The following SPTLC1 variants were observed in gnomAD, a reference collection of about 807,000 sequenced individuals.
SPTLC1 encodes the protein serine palmitoyltransferase long chain base subunit 1.
A neutral mutation model predicts 68.9 loss-of-function variants in SPTLC1; 55 were observed. The observed-to-expected ratio is 0.80, with a 90% CI of 0.64 to 1.00. The LOEUF (loss-of-function observed/expected upper bound fraction) is 1.00. Among genes scored for constraint, SPTLC1 ranks in the 50% least tolerant of loss-of-function variants. SPTLC1 has a pLI of 0.00. For missense variants in SPTLC1, 449 were observed against 573.1 expected, an observed-to-expected ratio of 0.78 and a Z score of 2.21; for synonymous variants, 197 against 201.6, an observed-to-expected ratio of 0.98 and a Z score of 0.19.
intron 3 of SPTLC1, chr9:92,105,038 G>A (rs1835903917): frequency 1.3e-6 from 2 of 1,527,854 alleles, no homozygotes; most frequent in South Asian, 1.2e-5. Context: ...GGCCTTGAAG[G>A]TGCTGGGTAA....
chr9:92,061,124 A>T (rs1273123069), intron 6 of SPTLC1, among the ~76,000 whole-genome samples: 1 of 152,228 alleles, frequency 6.6e-6, no homozygotes, highest in Non-Finnish European at 1.5e-5. Context: ...CAAATTTGTC[A>T]AGTGGTTTAA....
At chr9:92,084,305 T>A (rs1434129749) in intron 3 of SPTLC1, among the ~76,000 whole-genome samples, 2 of 151,506 alleles carry the variant, frequency 1.3e-5, no homozygotes, top group East Asian at 3.9e-4. Flanking sequence ...AGAGAGGGCA[T>A]CCCTGTCTTG....
chr9:92,105,001 G>T, intron 3 of SPTLC1: 1 of 1,521,938 alleles, frequency 6.6e-7, no homozygotes. Flanking sequence ...CCCCAGTTCC[G>T]GGCTGCTCCC....
chr9:92,054,104 A>T (rs1178697888), intron 8 of SPTLC1: 1 of 189,058 alleles, frequency 5.3e-6, no homozygotes, highest in Non-Finnish European at 9.8e-6. Flanking sequence ...CAACATGAAG[A>T]AACCTTGTCT....
chr9:92,087,442 TGTTA>T (rs1418851042), intron 3 of SPTLC1, among the ~76,000 whole-genome samples: 12 of 152,220 alleles, frequency 7.9e-5, no homozygotes, highest in Non-Finnish European at 1.5e-5. Flanking sequence ...CCTTTCTGTT[TGTTA>T]GTTTTCCTTC....
intron 6 of SPTLC1, among the ~76,000 whole-genome samples, chr9:92,060,118 A>G (rs1223273605): frequency 6.6e-6 from 1 of 152,128 alleles, no homozygotes; most frequent in Non-Finnish European, 1.5e-5. Context: ...CAACGATGTC[A>G]ATGGAGGCCG....
chr9:92,052,713 G>A (rs748580247), intron 8 of SPTLC1, among the ~76,000 whole-genome samples: 2 of 151,612 alleles, frequency 1.3e-5, no homozygotes, highest in Non-Finnish European at 2.9e-5. Context: ...TGTATTTTTA[G>A]TAGAGACGGG....
At chr9:92,033,642 ACCT>A (rs1418849553) in intron 14 of SPTLC1, among the ~76,000 whole-genome samples, 4 of 152,104 alleles carry the variant, frequency 2.6e-5, no homozygotes, top group Non-Finnish European at 5.9e-5. Context: ...TGCAGCCTTG[ACCT>A]CCTGGAACCA....
chr9:92,057,036 C>A (rs1448624525), intron 7 of SPTLC1, among the ~76,000 whole-genome samples: 1 of 152,180 alleles, frequency 6.6e-6, no homozygotes, highest in Non-Finnish European at 1.5e-5. Context: ...GTACAAAAAA[C>A]AATTAAATAA....
chr9:92,084,107 G>C (rs569138063), intron 3 of SPTLC1, among the ~76,000 whole-genome samples: 16 of 151,710 alleles, frequency 1.1e-4, no homozygotes, highest in African/African-American at 3.4e-4. Flanking sequence ...CTGAGACTTT[G>C]CTGAAGTTGC....
At chr9:92,063,785 A>T (rs1421782931) in intron 6 of SPTLC1, among the ~76,000 whole-genome samples, 1 of 152,190 alleles carries the variant, frequency 6.6e-6, no homozygotes, top group Non-Finnish European at 1.5e-5. Flanking sequence ...ATACAGAAAA[A>T]GTAGTTGACC....
Position 92,098,580 on chromosome 9 carries a change from AAAAG to A in SPTLC1, c.260+10156_260+10159del, listed in dbSNP as rs1304569652. Among the ~76,000 whole-genome samples the A allele has an allele frequency of 7.2e-5, 11 of 152,354 alleles. No individual in the cohort carries two copies. The South Asian group carries it at 1.4e-3, about 20-fold the overall frequency. On this transcript the variant is annotated intron_variant, in intron 3 of 14. Transcript: ENST00000262554. ...ATAAAAATATTGTGCATATTGAAAA[AAAAG>A]AAGGGATGTTAACAATCACCAGATA... is the stretch of plus-strand genomic sequence containing the variant.
chr9:92,101,671 A>G (rs575866849), intron 3 of SPTLC1, among the ~76,000 whole-genome samples: 2 of 146,590 alleles, frequency 1.4e-5, no homozygotes, highest in Admixed American at 1.4e-4. Flanking sequence ...GACAGCTTCA[A>G]TGGCACACTA....
At chr9:92,086,203 C>T (rs1054502338) in intron 3 of SPTLC1, among the ~76,000 whole-genome samples, 115 of 152,030 alleles carry the variant, frequency 7.6e-4, no homozygotes, top group African/African-American at 2.7e-3. Context: ...TCCAATTTGC[C>T]AGTCTGTGTC....
chr9:92,063,614 T>C (rs949478010), intron 6 of SPTLC1, among the ~76,000 whole-genome samples: 4 of 152,060 alleles, frequency 2.6e-5, no homozygotes, highest in Admixed American at 6.6e-5. Context: ...AACAAAAGAC[T>C]GGCAAATCGA....
intron 8 of SPTLC1, chr9:92,051,014 C>T (rs1833688544): frequency 2.0e-6 from 2 of 985,066 alleles, no homozygotes; most frequent in African/African-American, 3.5e-5. Context: ...TCCTACACTT[C>T]ATCTTTAGTT....
chr9:92,043,129 A>G (rs1833407109), intron 12 of SPTLC1, among the ~76,000 whole-genome samples: 1 of 152,214 alleles, frequency 6.6e-6, no homozygotes, highest in South Asian at 2.1e-4. Context: ...GAAACTACTC[A>G]CCAAGTCATA....
chr9:92,034,772 G>A, intron 14 of SPTLC1, 38 bp downstream of exon 14: 7 of 1,556,782 alleles, frequency 4.5e-6, no homozygotes, highest in Non-Finnish European at 6.2e-6. Flanking sequence ...GCTCAGAGTA[G>A]GGGAAAAAAA....
rs917739207 is a variant in SPTLC1 at position 92,105,372 on chromosome 9, C to G, written c.260+3368G>C. The G allele has an allele frequency of 2.6e-6, 4 of 1,512,836 alleles. No individual in the cohort carries two copies. In the African/African-American group the frequency reaches 5.5e-5, roughly 21 times the overall value. 93.7% of individuals were successfully genotyped at this position (1,512,836 alleles called of 1,614,324 possible). On this transcript the variant is annotated intron_variant, in intron 3 of 14. Coordinates refer to ENST00000262554, the MANE Select transcript of SPTLC1 (RefSeq NM_006415.4). ...AACATGAGGTTGTTAAGTAGAACAT[C>G]AAAATTCAGGAGACTAAGAGAGCTG...
Sources: gnomAD v4.1 joint callset for allele counts (sites outside exome capture counted in the v4.1 genomes callset) on GRCh38, gnomAD v4.1.1 for gene constraint, MANE v1.5 for transcripts, NCBI Gene and HGNC (gene_info 2026-07-23, HGNC 2026-07-21) for gene names.